The following DNAL4 variants were observed in gnomAD, a reference collection of about 807,000 sequenced individuals.
DNAL4 encodes the protein dynein axonemal light chain 4, also known as dynein light chain, outer arm 4.
Under a neutral mutation model 12.6 loss-of-function variants are expected in DNAL4, and 10 were observed. That is an observed-to-expected ratio of 0.79 (90% CI 0.49 to 1.34). The LOEUF is 1.34. Ranked by LOEUF, DNAL4 falls within the 40% of genes most tolerant of loss-of-function variation. The probability of loss-of-function intolerance (pLI) is 0.00; values close to 1 mark genes in which losing one functional copy is unlikely to be tolerated. For missense variants in DNAL4, 128 were observed against 138.1 expected (o/e 0.93, Z 0.37); for synonymous variants, 46 against 53.1 (o/e 0.87, Z 0.58).
chr22:38,779,597 A>T lies in DNAL4; in HGVS notation c.170T>A (p.Ile57Asn). ...SNNNESAAKM[I>N]KETMDKKFGS... is the part of the protein sequence containing the mutation. ...GAACTTCTTGTCCATTGTCTCTTTGATCATCTTGGCGGCGCTCTGGAAGGA... is the reference window on the plus strand; with the variant it reads ...GAACTTCTTGTCCATTGTCTCTTTGTTCATCTTGGCGGCGCTCTGGAAGGA... Residue 57 changes from isoleucine (I) to asparagine (N), a missense_variant, in exon 4 of 4, where the codon ATC (isoleucine) becomes AAC (asparagine). Transcript: ENST00000216068. This position sits in a 1 kb window ranked among gnomAD's most constrained non-coding sequence, Gnocchi z 4.3. 1 of 1,598,992 alleles carries T rather than the reference A, an allele frequency of 6.3e-7. No individual in the cohort carries two copies. Among genetic ancestry groups the T allele is most frequent in the East Asian group, 2.3e-5 (1 of 44,352 alleles).
intron 1 of DNAL4, among the ~76,000 whole-genome samples, chr22:38,787,061 G>C (rs190349127): frequency 6.6e-6 from 1 of 151,954 alleles, no homozygotes; most frequent in Admixed American, 6.6e-5. Flanking sequence ...CTTAGATCAC[G>C]GCTCGCCTCC....
rs2093031458 is a variant in DNAL4 at position 38,779,757 on chromosome 22, A to G, written c.154-144T>C. 8 of 1,157,188 alleles carry G rather than the reference A, an allele frequency of 6.9e-6. 1 individual carries two copies. The South Asian group carries it at 1.3e-4, about 19-fold the overall frequency. 71.7% of individuals were successfully genotyped at this position (1,157,188 alleles called of 1,614,324 possible). ...CTATTTCTCTTGTCCTCCTGCTTCAAAAAGGGTTTCCACGCAGGCCACCTC... is the reference window on the plus strand; with the variant it reads ...CTATTTCTCTTGTCCTCCTGCTTCAGAAAGGGTTTCCACGCAGGCCACCTC... On this transcript the variant is annotated intron_variant, in intron 3 of 3. Transcript: ENST00000216068. This position sits in a 1 kb window ranked among gnomAD's most constrained non-coding sequence, Gnocchi z 4.3.
In DNAL4 at chr22:38,778,872, G is replaced by C. The variant is rs758131239; in HGVS notation, c.*577C>G. Reference sequence around the variant, plus strand: ...TGGTCCCCACCAAGGCTGGGGGCTGGGGGGGCTGCTGGCCCAGTGAGATGC... The same window carrying C: ...TGGTCCCCACCAAGGCTGGGGGCTGCGGGGGCTGCTGGCCCAGTGAGATGC... On this transcript the variant is annotated 3_prime_UTR_variant, in exon 4 of 4. Transcript: ENST00000216068. The C allele has an allele frequency of 2.0e-5, 3 of 152,562 alleles. No individual in the cohort carries two copies. Among genetic ancestry groups the C allele is most frequent in the Non-Finnish European group, 4.4e-5 (3 of 68,344 alleles). 9.5% of individuals were successfully genotyped at this position (152,562 alleles called of 1,614,324 possible). A position where few individuals can be genotyped will look rare whatever the true frequency, so the allele number is the denominator to read the frequency against.
At chr22:38,784,310 C>T (rs950231038) in intron 1 of DNAL4, among the ~76,000 whole-genome samples, 4 of 152,044 alleles carry the variant, frequency 2.6e-5, no homozygotes, top group Admixed American at 2.0e-4. Flanking sequence ...TCACTCAGCT[C>T]GTTAGCGACA....
Position 38,779,985 on chromosome 22 carries a change from C to T in DNAL4, c.154-372G>A, listed in dbSNP as rs2093031814. On this transcript the variant is annotated intron_variant, in intron 3 of 3. Coordinates refer to ENST00000216068, the MANE Select transcript of DNAL4 (RefSeq NM_005740.3). This position sits in a 1 kb window ranked among gnomAD's most constrained non-coding sequence, Gnocchi z 4.3. ...AGCGGGGCACCAGGCAGTCTCAGGA[C>T]CAACTGGATGGAGAGACCTGGCACC... Among the ~76,000 whole-genome samples, 2 of 152,184 alleles carry T rather than the reference C, an allele frequency of 1.3e-5. No homozygotes were observed.
At chr22:38,789,752 A>G (rs1001153034) in intron 1 of DNAL4, among the ~76,000 whole-genome samples, 2 of 152,204 alleles carry the variant, frequency 1.3e-5, no homozygotes, top group African/African-American at 4.8e-5. Flanking sequence ...GGAGGGTGAG[A>G]TAAGACAGCA....
chr22:38,779,405 TG>T lies in DNAL4; in HGVS notation c.*43del, dbSNP rs1434726673. The T allele has an allele frequency of 6.5e-7, 1 of 1,536,052 alleles. No homozygotes were observed. Among genetic ancestry groups the T allele is most frequent in the Non-Finnish European group, 8.8e-7 (1 of 1,137,316 alleles). On this transcript the variant is annotated 3_prime_UTR_variant, in exon 4 of 4. Coordinates refer to ENST00000216068, the MANE Select transcript of DNAL4 (RefSeq NM_005740.3). This position sits in a 1 kb window ranked among gnomAD's most constrained non-coding sequence, Gnocchi z 4.3. Reference sequence around the variant, plus strand: ...AGGGCTGCTCCCCACCCCAGATGAGTGGCAGGAAAAGGCCCTGCAGGGGACG... The same window carrying T: ...AGGGCTGCTCCCCACCCCAGATGAGTGCAGGAAAAGGCCCTGCAGGGGACG...
At chr22:38,783,584 C>A (rs2093037771) in intron 1 of DNAL4, among the ~76,000 whole-genome samples, 1 of 152,250 alleles carries the variant, frequency 6.6e-6, no homozygotes, top group African/African-American at 2.4e-5. Context: ...CCCTCCCTGG[C>A]ACACCAGGCT....
chr22:38,780,120 T>A (rs5757282), intron 3 of DNAL4, among the ~76,000 whole-genome samples: 1 of 152,062 alleles, frequency 6.6e-6, no homozygotes, highest in Non-Finnish European at 1.5e-5. Flanking sequence ...TTTCAAGACG[T>A]GCCCCCTGTG....
chr22:38,788,740 T>A (rs1378884481), intron 1 of DNAL4, among the ~76,000 whole-genome samples: 1 of 152,154 alleles, frequency 6.6e-6, no homozygotes, highest in Non-Finnish European at 1.5e-5. Flanking sequence ...TCTCTCCCAC[T>A]CAAGAGAACA....
intron 1 of DNAL4, among the ~76,000 whole-genome samples, chr22:38,787,334 C>T (rs529443445): frequency 4.6e-5 from 7 of 151,922 alleles, no homozygotes; most frequent in Non-Finnish European, 8.8e-5. Flanking sequence ...CTCCGCCTCC[C>T]GGGTTCAAGC....
chr22:38,780,863 C>A (rs759367054), intron 3 of DNAL4, 63 bp downstream of exon 3: 7 of 1,557,124 alleles, frequency 4.5e-6, no homozygotes, highest in Non-Finnish European at 6.2e-6. Flanking sequence ...GGAACAGGGG[C>A]CACTTTATTC....
chr22:38,783,478 T>G (rs2093037651), intron 1 of DNAL4, among the ~76,000 whole-genome samples: 1 of 152,238 alleles, frequency 6.6e-6, no homozygotes, highest in Admixed American at 6.5e-5. Context: ...AAGGGAAATG[T>G]TCAGGTCACC....
chr22:38,783,526 C>T (rs993426148), intron 1 of DNAL4, among the ~76,000 whole-genome samples: 12 of 152,240 alleles, frequency 7.9e-5, no homozygotes, highest in Non-Finnish European at 1.8e-4. Context: ...AAGGGGGCCC[C>T]TCTGCAGGCC....
rs147973637 is a variant in DNAL4 at position 38,784,869 on chromosome 22, C to T, written c.-139-1999G>A. 4.5e-3 allele frequency among the ~76,000 whole-genome samples: 681 copies of T among 152,170 alleles called. 3 individuals are homozygous for T. Among genetic ancestry groups the T allele is most frequent in the African/African-American group, 0.016 (659 of 41,522 alleles). On this transcript the variant is annotated intron_variant, in intron 1 of 3. Coordinates refer to ENST00000216068, the MANE Select transcript of DNAL4 (RefSeq NM_005740.3). ...CTGGTTTGGCCCAGCCTTGAGCTTTCTGGGCACTCTTTCTGGGCTGTGCTC... is the reference window on the plus strand; with the variant it reads ...CTGGTTTGGCCCAGCCTTGAGCTTTTTGGGCACTCTTTCTGGGCTGTGCTC...
chr22:38,790,000 G>A lies in DNAL4; in HGVS notation c.-140+4068C>T, dbSNP rs571417899. 2.0e-5 allele frequency among the ~76,000 whole-genome samples: 3 copies of A among 152,300 alleles called. No homozygotes were observed. The East Asian group carries it at 5.8e-4, about 29-fold the overall frequency. Reference sequence around the variant, plus strand: ...AAGACTGGGGTTGGGCTGTGGACGTGTAGATGGGTCCTGAAACCTATGCTT... The same window carrying A: ...AAGACTGGGGTTGGGCTGTGGACGTATAGATGGGTCCTGAAACCTATGCTT... On this transcript the variant is annotated intron_variant, in intron 1 of 3. Coordinates refer to ENST00000216068, the MANE Select transcript of DNAL4 (RefSeq NM_005740.3).
intron 1 of DNAL4, chr22:38,785,842 G>A (rs370636587): frequency 6.6e-6 from 1 of 152,236 alleles, no homozygotes; most frequent in African/African-American, 2.4e-5. Flanking sequence ...GTGTATGTGA[G>A]CGATTTGAAA....
chr22:38,782,611 C>T lies in DNAL4; in HGVS notation c.69+52G>A. 1 of 1,592,658 alleles carries T rather than the reference C, an allele frequency of 6.3e-7. No individual in the cohort carries two copies. The highest frequency in any genetic ancestry group is 8.6e-7 in the Non-Finnish European group (1 of 1,163,652). On this transcript the variant is annotated intron_variant, in intron 2 of 3. Transcript: ENST00000216068. This position sits in a 1 kb window ranked among gnomAD's most constrained non-coding sequence, Gnocchi z 5.1. ...AGGGACAAGCTCCACCCACCTCTCT[C>T]CAGGCTGTGTGGGCCCTGCCGGCAG...
intron 2 of DNAL4, among the ~76,000 whole-genome samples, chr22:38,781,925 T>A (rs915161387): frequency 1.3e-5 from 2 of 152,202 alleles, no homozygotes; most frequent in African/African-American, 2.4e-5. Context: ...CCACTTCTGC[T>A]CTGGTATCTC....
Sources: allele counts gnomAD v4.1 joint callset (sites outside exome capture counted in the v4.1 genomes callset), GRCh38; gene constraint gnomAD v4.1.1; non-coding constraint Gnocchi (gnomAD v3.1); transcripts MANE v1.5; gene names NCBI Gene and HGNC (gene_info 2026-07-23, HGNC 2026-07-21).